UNC5B: variants seen among roughly 807,000 people sequenced by gnomAD.
UNC5B encodes netrin receptor UNC5B.
A neutral mutation model predicts 103.7 loss-of-function variants in UNC5B; 56 were observed. The ratio of observed to expected loss-of-function variants is 0.54; its 90% CI spans 0.44 to 0.67. The LOEUF is 0.67. Ranked by LOEUF, UNC5B falls within the 30% of genes least tolerant of loss-of-function variation. The probability of loss-of-function intolerance (pLI) is 0.00; values close to 1 mark genes in which losing one functional copy is unlikely to be tolerated. For synonymous variants in UNC5B, 577 were observed against 542.0 expected (o/e 1.06, Z -0.90); for missense variants, 1,194 against 1,284.5 (o/e 0.93, Z 1.08).
At chr10:71,223,312 C>T (rs545502363) in intron 1 of UNC5B, among the ~76,000 whole-genome samples, 18 of 152,314 alleles carry the variant, frequency 1.2e-4, no homozygotes, top group African/African-American at 3.4e-4. Flanking sequence ...CTTACTCACC[C>T]GAGAAGTAGC....
chr10:71,298,085 G>A lies in UNC5B; in HGVS notation c.2667G>A (p.Met889Ile), dbSNP rs143832231. 2.4e-3 allele frequency: 3,808 copies of A among 1,604,222 alleles called. 125 individuals are homozygous for A. In the Admixed American group the frequency reaches 0.059, roughly 25 times the overall value. ...GGATGTTAGCACAGAAGCTCTCTAT[G>A]GACCGGTGAGTATCCCAAACCACAG... ...DWRMLAQKLS[M>I]DRYLNYFATK... Residue 889 changes from methionine (M) to isoleucine (I), a missense_variant, in exon 16 of 17, where the codon ATG becomes ATA. Met to Ile is a conservative substitution (Grantham distance 10, BLOSUM62 1). Transcript: ENST00000335350.
intron 1 of UNC5B, among the ~76,000 whole-genome samples, chr10:71,256,793 G>T (rs1706141949): frequency 1.3e-5 from 2 of 152,352 alleles, no homozygotes; most frequent in African/African-American, 4.8e-5. Flanking sequence ...CCCCCTCAAT[G>T]ATAGATGGGG....
At chr10:71,220,891 A>G in intron 1 of UNC5B, among the ~76,000 whole-genome samples, 1 of 152,136 alleles carries the variant, frequency 6.6e-6, no homozygotes. Context: ...TTGCTGTGAG[A>G]CCCTAGGCAA....
intron 1 of UNC5B, among the ~76,000 whole-genome samples, chr10:71,223,919 G>A (rs1206904892): frequency 6.6e-6 from 1 of 152,248 alleles, no homozygotes; most frequent in Non-Finnish European, 1.5e-5. Context: ...CAGCTTCTTA[G>A]CAGGAGCTGG....
intron 1 of UNC5B, among the ~76,000 whole-genome samples, chr10:71,242,992 G>C (rs1478619384): frequency 2.0e-5 from 3 of 152,150 alleles, no homozygotes; most frequent in African/African-American, 7.2e-5. Flanking sequence ...CAGCACTTTG[G>C]GAGGCTGAAG....
intron 8 of UNC5B, among the ~76,000 whole-genome samples, chr10:71,289,910 G>T (rs2132309050): frequency 6.6e-6 from 1 of 152,318 alleles, no homozygotes; most frequent in South Asian, 2.1e-4. Flanking sequence ...CAAGTGCAGG[G>T]TGTGGAGGAC....
intron 1 of UNC5B, among the ~76,000 whole-genome samples, chr10:71,243,791 A>G (rs35468602): frequency 0.064 from 9,701 of 152,336 alleles, 355 homozygotes; most frequent in East Asian, 0.15. Context: ...GGTGAATACT[A>G]CTTTTAAAAT....
intron 1 of UNC5B, among the ~76,000 whole-genome samples, chr10:71,267,831 C>G (rs1844554770): frequency 6.6e-6 from 1 of 152,252 alleles, no homozygotes. Context: ...CACCCAAACC[C>G]AGGGCCGGGG....
At chr10:71,226,109 C>G (rs996292284) in intron 1 of UNC5B, among the ~76,000 whole-genome samples, 2 of 152,136 alleles carry the variant, frequency 1.3e-5, no homozygotes, top group Non-Finnish European at 2.9e-5. Flanking sequence ...GAGTCTTGCT[C>G]TATCACCCAG....
intron 1 of UNC5B, among the ~76,000 whole-genome samples, chr10:71,234,325 T>A (rs938763030): frequency 2.0e-5 from 3 of 152,174 alleles, no homozygotes; most frequent in East Asian, 3.9e-4. Flanking sequence ...ATTCTTGAGA[T>A]TCAGGCCTGG....
rs1166949660 is a variant in UNC5B at position 71,299,218 on chromosome 10, T to G, written c.2779T>G (p.Leu927Val). 6.2e-7 allele frequency: 1 copy of G among 1,614,208 alleles called. No individual in the cohort carries two copies. The highest frequency in any genetic ancestry group is 1.7e-5 in the Admixed American group (1 of 60,030). Residue 927 changes from leucine to valine, a missense_variant, in exon 17 of 17, where the codon TTG becomes GTG. Physicochemically the swap from Leu to Val is conservative, Grantham distance 32. Transcript: ENST00000335350. ...GGACCTCAACAGCCTGGCGAGTGCC[T>G]TGGAGGAGATGGGCAAGAGTGAGAT... ...DGDLNSLASALEEMGKSEMLV... is the reference protein window; with the variant it reads ...DGDLNSLASAVEEMGKSEMLV...
At chr10:71,243,122 C>T (rs1409152799) in intron 1 of UNC5B, among the ~76,000 whole-genome samples, 1 of 152,144 alleles carries the variant, frequency 6.6e-6, no homozygotes, top group Non-Finnish European at 1.5e-5. Context: ...ATAATCCCAG[C>T]TACTTGGGAG....
intron 1 of UNC5B, among the ~76,000 whole-genome samples, chr10:71,231,767 T>C (rs913332612): frequency 6.6e-6 from 1 of 152,178 alleles, no homozygotes; most frequent in African/African-American, 2.4e-5. Flanking sequence ...TGTGGCACAC[T>C]TATGTTAAAA....
Position 71,291,781 on chromosome 10 carries a change from CT to C in UNC5B, c.1647del (p.Phe549LeufsTer53). The C allele has an allele frequency of 6.2e-7, 1 of 1,605,974 alleles. No homozygotes were observed. Among genetic ancestry groups the C allele is most frequent in the East Asian group, 2.2e-5 (1 of 44,860 alleles). ...RDPGSSVSGT[F>X]GCLGGRLSIP... ...ACCCAGGGAGCAGCGTCAGCGGCAC[CT>C]TTGGCTGCCTGGGTGGGAGGCTCAG... is the stretch of plus-strand genomic sequence containing the variant. On this transcript the variant is annotated frameshift_variant, in exon 10 of 17. Coordinates refer to ENST00000335350, the MANE Select transcript of UNC5B (RefSeq NM_170744.5). LOFTEE classifies it high-confidence loss of function.
intron 15 of UNC5B, 147 bp from the exon 16 acceptor site, chr10:71,297,762 G>A (rs780870354): frequency 5.5e-6 from 5 of 915,192 alleles, no homozygotes; most frequent in Non-Finnish European, 7.9e-6. Context: ...CCCTTCAAGG[G>A]AGAAGCCCCT....
At chr10:71,292,626 C>CT in intron 11 of UNC5B, 72 bp downstream of exon 11, 1 of 1,343,298 alleles carries the variant, frequency 7.4e-7, no homozygotes, top group Non-Finnish European at 1.0e-6. Context: ...CGTGGCTCCC[C>CT]TTCTAAGCCT....
At chr10:71,291,334 G>A (rs1172136630) in intron 9 of UNC5B, 98 bp from the exon 10 acceptor site, 18 of 1,506,750 alleles carry the variant, frequency 1.2e-5, no homozygotes, top group Non-Finnish European at 1.6e-5. Context: ...CAGCAATTGG[G>A]CCTTTCACAG....
chr10:71,264,111 C>T (rs909536044), intron 1 of UNC5B, among the ~76,000 whole-genome samples: 11 of 152,170 alleles, frequency 7.2e-5, no homozygotes, highest in Admixed American at 3.9e-4. Flanking sequence ...TAGTTCCTGC[C>T]ATTGGGGTGG....
At chr10:71,243,069 T>C (rs1843942571) in intron 1 of UNC5B, among the ~76,000 whole-genome samples, 2 of 152,074 alleles carry the variant, frequency 1.3e-5, no homozygotes, top group African/African-American at 4.8e-5. Flanking sequence ...TTGTATTTTC[T>C]ATTAAAAATA....
Sources: allele counts gnomAD v4.1 joint callset (sites outside exome capture counted in the v4.1 genomes callset), GRCh38; gene constraint gnomAD v4.1.1; transcripts MANE v1.5; gene names NCBI Gene and HGNC (gene_info 2026-07-23, HGNC 2026-07-21).